Variants in OPN5 observed in about 807,000 individuals in gnomAD.
OPN5 encodes the protein opsin-5.
Under a neutral mutation model 41.7 loss-of-function variants are expected in OPN5, and 18 were observed. The observed-to-expected ratio is 0.43, with a 90% confidence interval of 0.30 to 0.64. The LOEUF is 0.64. Among genes scored for constraint, OPN5 ranks in the 30% least tolerant of loss-of-function variants. The pLI, the probability that OPN5 is intolerant of heterozygous loss-of-function variation, is 0.13. For synonymous variants in OPN5, 178 were observed against 164.3 expected (o/e 1.08, Z -0.64); for missense variants, 318 against 434.5 (o/e 0.73, Z 2.38).
chr6:47,782,044 A>G (rs770041903), exon 1 of OPN5: 2 of 1,608,214 alleles, frequency 1.2e-6, no homozygotes, highest in South Asian at 2.2e-5. Flanking sequence ...TGCTTTTCAG[A>G]TCCCTCGTGG....
At chr6:47,804,646 ACTT>A (rs778741108) in intron 4 of OPN5, among the ~76,000 whole-genome samples, 1 of 152,194 alleles carries the variant, frequency 6.6e-6, no homozygotes, top group Non-Finnish European at 1.5e-5. Context: ...CTTTGTATTC[ACTT>A]CAGAAACATA....
intron 4 of OPN5, among the ~76,000 whole-genome samples, chr6:47,796,103 G>T (rs1773562096): frequency 6.6e-6 from 1 of 152,120 alleles, no homozygotes; most frequent in Non-Finnish European, 1.5e-5. Flanking sequence ...GTAAACGGTA[G>T]TTTCAGAGGT....
chr6:47,792,439 T>A (rs1250259960), intron 3 of OPN5, among the ~76,000 whole-genome samples: 2 of 152,192 alleles, frequency 1.3e-5, no homozygotes, highest in Non-Finnish European at 2.9e-5. Context: ...GTTAGAGTCA[T>A]GTAGCTGTTT....
chr6:47,799,786 A>G (rs750254821), intron 4 of OPN5, among the ~76,000 whole-genome samples: 16 of 151,600 alleles, frequency 1.1e-4, no homozygotes, highest in Non-Finnish European at 2.1e-4. Flanking sequence ...TAGGTTACCA[A>G]CTCCTCTGAT....
At chr6:47,787,078 A>C in intron 2 of OPN5, 1 of 985,472 alleles carries the variant, frequency 1.0e-6, no homozygotes, top group Non-Finnish European at 1.2e-6. Flanking sequence ...AGTTGAAGGC[A>C]GTTGAGAGGT....
chr6:47,812,983 G>A (rs969094884), intron 6 of OPN5, among the ~76,000 whole-genome samples: 1 of 152,062 alleles, frequency 6.6e-6, no homozygotes, highest in Non-Finnish European at 1.5e-5. Flanking sequence ...TGTCAGTCAG[G>A]GGTGTGGGAT....
At chr6:47,808,417 A>T (rs1159137081) in intron 5 of OPN5, 22 bp downstream of exon 5, 1 of 1,613,356 alleles carries the variant, frequency 6.2e-7, no homozygotes, top group South Asian at 1.1e-5. Context: ...GAAGCTGGAA[A>T]TGAATTACAC....
chr6:47,809,677 G>T (rs1774116942), intron 5 of OPN5, among the ~76,000 whole-genome samples: 1 of 152,186 alleles, frequency 6.6e-6, no homozygotes, highest in Non-Finnish European at 1.5e-5. Flanking sequence ...TGTGTGAAAA[G>T]ATCTAAGGGA....
intron 6 of OPN5, among the ~76,000 whole-genome samples, chr6:47,823,126 A>T (rs1430223251): frequency 6.6e-6 from 1 of 152,220 alleles, no homozygotes; most frequent in Non-Finnish European, 1.5e-5. Context: ...GCCGTGGCCC[A>T]GTATGTGATT....
At chr6:47,791,917 C>A (rs138498747) in exon 3 of OPN5, 2 of 1,613,784 alleles carry the variant, frequency 1.2e-6, no homozygotes, top group Non-Finnish European at 1.7e-6. Flanking sequence ...GAAGCCTTAT[C>A]ACCATGACTG....
At chr6:47,791,539 T>C (rs1489854426) in intron 2 of OPN5, among the ~76,000 whole-genome samples, 2 of 152,238 alleles carry the variant, frequency 1.3e-5, no homozygotes, top group Non-Finnish European at 2.9e-5. Flanking sequence ...AAAGTAATAA[T>C]TACTTTAAAG....
At chr6:47,818,623 A>G (rs1256866807) in intron 6 of OPN5, among the ~76,000 whole-genome samples, 1 of 152,160 alleles carries the variant, frequency 6.6e-6, no homozygotes, top group Non-Finnish European at 1.5e-5. Flanking sequence ...TGGTGATGAA[A>G]CCACACACTC....
At chr6:47,823,709 T>C (rs533431730) in intron 6 of OPN5, among the ~76,000 whole-genome samples, 55 of 152,216 alleles carry the variant, frequency 3.6e-4, no homozygotes, top group African/African-American at 1.3e-3. Flanking sequence ...GACCAGGATA[T>C]GTATTGGGAG....
In OPN5 at chr6:47,800,427, G is replaced by C. The variant is rs139700281; in HGVS notation, c.756+4864G>C. ...GCCCAGGTGGGGCCACAGGAGCCTTGGGGTCCAGGTGGAGCTATGAGTGTC... is the reference window on the plus strand; with the variant it reads ...GCCCAGGTGGGGCCACAGGAGCCTTCGGGTCCAGGTGGAGCTATGAGTGTC... On this transcript the variant is annotated intron_variant, in intron 4 of 6. Transcript: ENST00000371211. Among the ~76,000 whole-genome samples the C allele has an allele frequency of 7.9e-5, 12 of 152,282 alleles. No individual in the cohort carries two copies. The East Asian group carries it at 2.3e-3, about 29-fold the overall frequency.
At chr6:47,806,224 T>C (rs1174723557) in intron 4 of OPN5, among the ~76,000 whole-genome samples, 2 of 152,066 alleles carry the variant, frequency 1.3e-5, no homozygotes, top group African/African-American at 2.4e-5. Context: ...AGAAGACAGA[T>C]TTGAATACAG....
intron 6 of OPN5, among the ~76,000 whole-genome samples, chr6:47,818,147 A>C (rs1371412751): frequency 6.6e-6 from 1 of 152,168 alleles, no homozygotes; most frequent in African/African-American, 2.4e-5. Context: ...TAGCCGCCCG[A>C]TCCACATATA....
chr6:47,821,750 A>C (rs1762628899), intron 6 of OPN5, among the ~76,000 whole-genome samples: 1 of 152,110 alleles, frequency 6.6e-6, no homozygotes. Context: ...TAAAATGTAA[A>C]TCATTGGGCC....
At chr6:47,787,767 A>G (rs1182714131) in intron 2 of OPN5, among the ~76,000 whole-genome samples, 1 of 152,136 alleles carries the variant, frequency 6.6e-6, no homozygotes, top group Non-Finnish European at 1.5e-5. Flanking sequence ...AAGTCTGGGT[A>G]TTGGGTAAAA....
intron 1 of OPN5, 96 bp from the exon 2 acceptor site, chr6:47,786,419 T>C (rs1187996411): frequency 6.2e-6 from 6 of 973,756 alleles, no homozygotes; most frequent in Non-Finnish European, 7.9e-6. Context: ...ACCCTCTAAA[T>C]CTATGGTGTC....
Sources: allele counts gnomAD v4.1 joint callset (sites outside exome capture counted in the v4.1 genomes callset), GRCh38; gene constraint gnomAD v4.1.1; transcripts MANE v1.5; gene names NCBI Gene and HGNC (gene_info 2026-07-23, HGNC 2026-07-21).